PRKAR1B: variants seen among roughly 807,000 people sequenced by gnomAD.
PRKAR1B encodes the protein protein kinase cAMP-dependent type I regulatory subunit beta, also known as cAMP-dependent protein kinase type I-beta regulatory subunit.
In PRKAR1B, 22 loss-of-function variants were observed where a neutral mutation model predicts 46.5. That is an observed-to-expected ratio of 0.47 (90% CI 0.34 to 0.68). The LOEUF (loss-of-function observed/expected upper bound fraction) is 0.68, where lower values mean the gene tolerates loss of function less well. Among genes scored for constraint, PRKAR1B ranks in the 30% least tolerant of loss-of-function variants. PRKAR1B has a pLI of 0.01. For missense variants in PRKAR1B, 445 were observed against 535.6 expected (o/e 0.83, Z 1.67); for synonymous variants, 259 against 217.7 (o/e 1.19, Z -1.67).
chr7:550,522 G>T lies in PRKAR1B; in HGVS notation c.1054C>A (p.Arg352=). The T allele has an allele frequency of 6.2e-7, 1 of 1,604,360 alleles. No individual in the cohort carries two copies. Among genetic ancestry groups the T allele is most frequent in the East Asian group, 2.2e-5 (1 of 44,558 alleles). ...CCCAGCACACGCTCGAAGCGGGGCC[G>T]GTCCAGCTTCACACACTTGAGGGGC... ...RGPLKCVKLD[R]PRFERVLGPC... The change falls in exon 11 of 11, where the codon CGG becomes AGG. Residue 352 remains arginine, a synonymous_variant. Transcript: ENST00000537384.
chr7:657,350 T>C (rs978036983), intron 4 of PRKAR1B, among the ~76,000 whole-genome samples: 2 of 152,090 alleles, frequency 1.3e-5, no homozygotes, highest in Admixed American at 6.6e-5. Context: ...AATGTGTGGA[T>C]GGGTGAATGA....
intron 9 of PRKAR1B, among the ~76,000 whole-genome samples, chr7:576,169 G>A (rs370160180): frequency 1.6e-4 from 23 of 144,992 alleles, no homozygotes; most frequent in African/African-American, 3.1e-4. Flanking sequence ...ACGGGCGGGC[G>A]TGCACGCTGG....
chr7:618,729 T>A (rs1316877811), intron 4 of PRKAR1B, among the ~76,000 whole-genome samples: 2 of 152,214 alleles, frequency 1.3e-5, no homozygotes, highest in African/African-American at 4.8e-5. Flanking sequence ...CCTGTTCATA[T>A]CCTGTGCCCA....
At chr7:557,252 C>T (rs1052057262) in intron 9 of PRKAR1B, among the ~76,000 whole-genome samples, 12 of 152,254 alleles carry the variant, frequency 7.9e-5, no homozygotes, top group African/African-American at 1.4e-4. Context: ...CCCTTCCTCA[C>T]GTCTCAGCCG....
chr7:685,311 T>C (rs1280598174), intron 2 of PRKAR1B, among the ~76,000 whole-genome samples: 8 of 96,978 alleles, frequency 8.2e-5, no homozygotes, highest in African/African-American at 3.4e-4. Context: ...TATATACGTA[T>C]ATATACGTAT....
At chr7:582,239 C>T (rs1583242466) in intron 8 of PRKAR1B, among the ~76,000 whole-genome samples, 1 of 152,372 alleles carries the variant, frequency 6.6e-6, no homozygotes, top group South Asian at 2.1e-4. Context: ...GCTGATTCTA[C>T]GGGGTCTCCT....
rs1461918888 is a variant in PRKAR1B at position 550,238 on chromosome 7, C to G, written c.*192G>C. 3.4e-6 allele frequency: 2 copies of G among 589,776 alleles called. No individual in the cohort carries two copies. The highest frequency in any genetic ancestry group is 6.0e-6 in the Non-Finnish European group (2 of 331,310). 36.5% of individuals were successfully genotyped at this position (589,776 alleles called of 1,614,324 possible). On this transcript the variant is annotated 3_prime_UTR_variant, in exon 11 of 11. Transcript: ENST00000537384. ...CTTGGGATGCATTTTGTCCGCTTGTCCTTTGATTTGGAAATGCACAAGGTG... is the reference window on the plus strand; with the variant it reads ...CTTGGGATGCATTTTGTCCGCTTGTGCTTTGATTTGGAAATGCACAAGGTG...
intron 6 of PRKAR1B, among the ~76,000 whole-genome samples, chr7:598,548 C>T (rs145011334): frequency 0.019 from 2,683 of 142,246 alleles, 85 homozygotes; most frequent in African/African-American, 0.071. Context: ...GCACCCTCCA[C>T]ACTAGATACC....
intron 4 of PRKAR1B, among the ~76,000 whole-genome samples, chr7:638,810 C>G (rs1241228587): frequency 6.6e-6 from 1 of 152,232 alleles, no homozygotes; most frequent in East Asian, 1.9e-4. Flanking sequence ...GGCGCGGGGG[C>G]TCACGCCTGT....
intron 4 of PRKAR1B, among the ~76,000 whole-genome samples, chr7:661,012 C>A (rs28436648): frequency 2.4e-3 from 141 of 59,138 alleles, no homozygotes; most frequent in African/African-American, 0.011. Flanking sequence ...TACTCTCCCC[C>A]CCATGGCACA....
chr7:634,771 C>A (rs570417123), intron 4 of PRKAR1B, among the ~76,000 whole-genome samples: 12 of 152,012 alleles, frequency 7.9e-5, no homozygotes, highest in South Asian at 4.1e-4. Flanking sequence ...TCCCGAGTAG[C>A]TGGGATTACA....
At chr7:574,090 C>A (rs1779688413) in intron 9 of PRKAR1B, among the ~76,000 whole-genome samples, 1 of 152,260 alleles carries the variant, frequency 6.6e-6, no homozygotes, top group Admixed American at 6.5e-5. Context: ...TGAAGACGCA[C>A]CCACGATCCA....
rs180806464 is a variant in PRKAR1B, at chr7:693,981, G to A, written c.178-13255C>T. On this transcript the variant is annotated intron_variant, in intron 2 of 10. Transcript: ENST00000537384. ...TGGGTTTGGGATGTACTGCCTTTGC[G>A]ATAACCGCGAGACCTGGACTCGGCC... Among the ~76,000 whole-genome samples, 391 of 152,284 alleles carry A rather than the reference G, an allele frequency of 2.6e-3. 4 individuals are homozygous for A. The highest frequency in any genetic ancestry group is 1.8e-3 in the Non-Finnish European group (120 of 68,034).
chr7:684,067 T>C (rs894196294), intron 2 of PRKAR1B, among the ~76,000 whole-genome samples: 1 of 151,456 alleles, frequency 6.6e-6, no homozygotes, highest in Non-Finnish European at 1.5e-5. Context: ...TGTATGCCGA[T>C]GCCCACCTCC....
chr7:601,454 C>T (rs1235530246), intron 6 of PRKAR1B, among the ~76,000 whole-genome samples: 4 of 152,258 alleles, frequency 2.6e-5, no homozygotes, highest in African/African-American at 7.2e-5. Flanking sequence ...ATAACTCACC[C>T]GGGCTACCCA....
chr7:694,240 G>A (rs919147354), intron 2 of PRKAR1B, among the ~76,000 whole-genome samples: 3 of 152,026 alleles, frequency 2.0e-5, no homozygotes, highest in African/African-American at 4.8e-5. Context: ...AGCTGAAATC[G>A]CACCACTGCA....
chr7:618,536 T>C (rs1782953061), intron 4 of PRKAR1B, among the ~76,000 whole-genome samples: 1 of 152,146 alleles, frequency 6.6e-6, no homozygotes, highest in Non-Finnish European at 1.5e-5. Flanking sequence ...TTTCATGCTG[T>C]TTCTTCTTTT....
At chr7:557,030 C>CA in intron 9 of PRKAR1B, among the ~76,000 whole-genome samples, 1 of 152,356 alleles carries the variant, frequency 6.6e-6, no homozygotes. Context: ...TGCAGAGAAC[C>CA]AGGTGCGGCC....
At chr7:572,258 G>A (rs1457046651) in intron 9 of PRKAR1B, among the ~76,000 whole-genome samples, 1 of 152,220 alleles carries the variant, frequency 6.6e-6, no homozygotes, top group African/African-American at 2.4e-5. Context: ...GGCCTGCGGA[G>A]GAGTGACCGC....
Sources: allele counts gnomAD v4.1 joint callset (sites outside exome capture counted in the v4.1 genomes callset), GRCh38; gene constraint gnomAD v4.1.1; transcripts MANE v1.5; gene names NCBI Gene and HGNC (gene_info 2026-07-23, HGNC 2026-07-21).